Variants in GRAMD1B observed in about 807,000 individuals in gnomAD.
GRAMD1B encodes the protein protein Aster-B.
A neutral mutation model predicts 99.7 loss-of-function variants in GRAMD1B; 37 were observed. The observed-to-expected ratio is 0.37, with a 90% CI of 0.29 to 0.49. GRAMD1B has a LOEUF of 0.49. Ranked by LOEUF, GRAMD1B falls within the 20% of genes least tolerant of loss-of-function variation. The pLI is 0.98. For synonymous variants in GRAMD1B, 427 were observed against 387.6 expected (o/e 1.10, Z -1.19); for missense variants, 888 against 1,009.2 (o/e 0.88, Z 1.63).
At chr11:123,480,064 T>C (rs915899425) in intron 1 of GRAMD1B, among the ~76,000 whole-genome samples, 1 of 152,192 alleles carries the variant, frequency 6.6e-6, no homozygotes, top group East Asian at 1.9e-4. Context: ...GTTAGTGTCA[T>C]GAAGTGTCTG....
At chr11:123,609,468 T>C (rs1306507858) in intron 12 of GRAMD1B, among the ~76,000 whole-genome samples, 1 of 152,106 alleles carries the variant, frequency 6.6e-6, no homozygotes, top group Non-Finnish European at 1.5e-5. Flanking sequence ...GAGGACTTGT[T>C]CCCAAGGGAC....
chr11:123,558,860 A>G (rs1227817446), intron 2 of GRAMD1B, among the ~76,000 whole-genome samples: 3 of 152,210 alleles, frequency 2.0e-5, no homozygotes, highest in East Asian at 3.8e-4. Context: ...GCAATCTTGG[A>G]AAGACTTTTC....
At chr11:123,394,780 G>C (rs1285294752) in intron 1 of GRAMD1B, among the ~76,000 whole-genome samples, 1 of 152,220 alleles carries the variant, frequency 6.6e-6, no homozygotes, top group Non-Finnish European at 1.5e-5. Context: ...AGGCTGGGGA[G>C]TTCAAGATCA....
At position 123,513,578 on chromosome 11, in the gene GRAMD1B, T is replaced by TTCCTTCCTTCC. The variant is rs1555050112; in HGVS notation, c.452+32686_452+32687insCCTTCCTTCCT. Among the ~76,000 whole-genome samples, 19 of 41,692 alleles carry TTCCTTCCTTCC rather than the reference T, an allele frequency of 4.6e-4. 1 individual carries two copies. The highest frequency in any genetic ancestry group is 3.7e-3 in the East Asian group (4 of 1,084). The allele number at this position is 41,692 out of a possible 152,430, so 27.4% of individuals were successfully genotyped here. ...TTTCCTTCCTTCCTTCCTTCCTTCC[T>TTCCTTCCTTCC]TTCCTTCCTTCCTTCCTTCCTTCCT... On this transcript the variant is annotated intron_variant, in intron 2 of 19. Transcript: ENST00000635736.
chr11:123,482,433 C>A (rs1291859577), intron 2 of GRAMD1B, among the ~76,000 whole-genome samples: 1 of 152,066 alleles, frequency 6.6e-6, no homozygotes, highest in African/African-American at 2.4e-5. Flanking sequence ...GAAATGTGAT[C>A]TTGTATATTT....
In GRAMD1B at chr11:123,560,069, C is replaced by G. The variant is rs71478412; in HGVS notation, c.453-17298C>G. On this transcript the variant is annotated intron_variant, in intron 2 of 19. Coordinates refer to ENST00000635736, the MANE Select transcript of GRAMD1B (RefSeq NM_001387025.1). ...ATTGAGGGTGAAGAGGAAATAACCC[C>G]CCCCCCCGCAGCCCCAGCGGCTCTG... Among the ~76,000 whole-genome samples, 592 of 148,828 alleles carry G rather than the reference C, an allele frequency of 4.0e-3. 8 individuals carry two copies. The highest frequency in any genetic ancestry group is 4.4e-3 in the South Asian group (21 of 4,772).
In GRAMD1B at chr11:123,598,255, T is replaced by A. The variant is rs962049870; in HGVS notation, c.970-2213T>A. On this transcript the variant is annotated intron_variant, in intron 7 of 19. Coordinates refer to ENST00000635736, the MANE Select transcript of GRAMD1B (RefSeq NM_001387025.1). ...ACAGTTGTAGTTGATATTTAGGCCA[T>A]GAAGCATATACAGCCAGTAGGGAAT... 7.9e-6 allele frequency: 11 copies of A among 1,387,746 alleles called. No homozygotes were observed. The African/African-American group carries it at 1.1e-4, about 14-fold the overall frequency. 86.0% of individuals were successfully genotyped at this position (1,387,746 alleles called of 1,614,324 possible). A position where few individuals can be genotyped will look rare whatever the true frequency, so the allele number is the denominator to read the frequency against.
intron 9 of GRAMD1B, among the ~76,000 whole-genome samples, chr11:123,604,019 C>T (rs979563865): frequency 1.3e-5 from 2 of 152,124 alleles, no homozygotes; most frequent in Admixed American, 6.5e-5. Context: ...CAGATTTTTT[C>T]GGTTTTACTG....
At position 123,360,909 on chromosome 11, in the gene GRAMD1B, C is replaced by T. The variant is rs551447880; in HGVS notation, c.-176+2110C>T. 8.6e-5 allele frequency among the ~76,000 whole-genome samples: 13 copies of T among 151,732 alleles called. No homozygotes were observed. In the South Asian group the frequency reaches 1.5e-3, roughly 17 times the overall value. ...TGGGCTCACTGCAACCTCCGCCTTCCGGTTTCAAGTGATTCTCCTGCCTCA... is the reference window on the plus strand; with the variant it reads ...TGGGCTCACTGCAACCTCCGCCTTCTGGTTTCAAGTGATTCTCCTGCCTCA... On this transcript the variant is annotated intron_variant, in intron 1 of 20. Coordinates refer to the GRAMD1B transcript ENST00000638157.
intron 7 of GRAMD1B, among the ~76,000 whole-genome samples, chr11:123,597,166 TCTCCTAGGCTGGTCTCAAA>T: frequency 6.8e-6 from 1 of 147,396 alleles, no homozygotes. Flanking sequence ...CCTCACTATA[TCTCCTAGGCTGGTCTCAAA>T]CTCCTAGGCT....
At chr11:123,456,729 G>A (rs1269597724) in intron 1 of GRAMD1B, among the ~76,000 whole-genome samples, 1 of 151,934 alleles carries the variant, frequency 6.6e-6, no homozygotes, top group Non-Finnish European at 1.5e-5. Flanking sequence ...AGACCAGACT[G>A]GTCAAAATGA....
intron 1 of GRAMD1B, among the ~76,000 whole-genome samples, chr11:123,390,882 C>T (rs1420612878): frequency 6.6e-6 from 1 of 152,172 alleles, no homozygotes; most frequent in Non-Finnish European, 1.5e-5. Context: ...TGGCACTTTA[C>T]TCCACCACTC....
At chr11:123,427,111 A>G (rs1261687807), upstream of GRAMD1B, among the ~76,000 whole-genome samples, 6 of 152,172 alleles carry the variant, frequency 3.9e-5, no homozygotes, top group Admixed American at 6.6e-5. Context: ...GGTCGCTGAG[A>G]GCCAAATATT....
intron 4 of GRAMD1B, among the ~76,000 whole-genome samples, chr11:123,586,182 A>G (rs911007126): frequency 3.9e-5 from 6 of 152,176 alleles, no homozygotes; most frequent in Non-Finnish European, 7.4e-5. Flanking sequence ...GGGGTGGGCC[A>G]GAAGTCAGGG....
chr11:123,512,332 G>A (rs1019729074), intron 2 of GRAMD1B, among the ~76,000 whole-genome samples: 26 of 152,204 alleles, frequency 1.7e-4, no homozygotes, highest in Admixed American at 2.0e-4. Context: ...TGGTTCTCAG[G>A]GGATGGTGGT....
At chr11:123,394,189 C>G (rs528420536) in intron 1 of GRAMD1B, among the ~76,000 whole-genome samples, 1 of 152,274 alleles carries the variant, frequency 6.6e-6, no homozygotes, top group Non-Finnish European at 1.5e-5. Context: ...TTGAGAAATC[C>G]AGGACATATG....
chr11:123,606,701 T>C lies in GRAMD1B; in HGVS notation c.1416T>C (p.Ile472=). ...TTGACAACATCATGGGGGAGAAGAT[T>C]GAGATGATCGCTCCTGTGAACTCCC... ...LAIDNIMGEK[I]EMIAPVNSPS... is the part of the protein sequence containing the mutation. The change falls in exon 11 of 20, where the codon ATT becomes ATC. Residue 472 remains isoleucine (I), a synonymous_variant. Transcript: ENST00000635736. The C allele has an allele frequency of 1.9e-6, 3 of 1,613,580 alleles. No homozygotes were observed. The highest frequency in any genetic ancestry group is 1.7e-6 in the Non-Finnish European group (2 of 1,179,732).
At chr11:123,526,063 G>A (rs918379364) in intron 2 of GRAMD1B, 22 of 1,173,000 alleles carry the variant, frequency 1.9e-5, no homozygotes, top group Non-Finnish European at 2.3e-5. Flanking sequence ...TTGGGACTTC[G>A]TCATCTTTTC....
intron 3 of GRAMD1B, among the ~76,000 whole-genome samples, chr11:123,580,131 G>A (rs764926490): frequency 1.1e-4 from 16 of 152,210 alleles, no homozygotes; most frequent in Non-Finnish European, 1.9e-4. Flanking sequence ...AAAAGAGGAC[G>A]GGCTTGTGCC....
Sources: gnomAD v4.1 joint callset for allele counts (sites outside exome capture counted in the v4.1 genomes callset) on GRCh38, gnomAD v4.1.1 for gene constraint, MANE v1.5 for transcripts, NCBI Gene and HGNC (gene_info 2026-07-23, HGNC 2026-07-21) for gene names.